Variants in RGS6 observed in about 807,000 individuals in gnomAD.
RGS6 encodes regulator of G protein signaling 6.
In RGS6, 30 loss-of-function variants were observed where a neutral mutation model predicts 78.5. The observed-to-expected ratio is 0.38, with a 90% CI of 0.29 to 0.52. The LOEUF (loss-of-function observed/expected upper bound fraction) is 0.52. RGS6 is among the 20% of genes least tolerant of loss of function. The pLI, the probability that RGS6 is intolerant of heterozygous loss-of-function variation, is 0.85. For synonymous variants in RGS6, 206 were observed against 206.0 expected (o/e 1.00, Z 0.00); for missense variants, 495 against 609.7 (o/e 0.81, Z 1.98).
chr14:72,414,074 T>C (rs2093624932), intron 3 of RGS6, among the ~76,000 whole-genome samples: 1 of 152,160 alleles, frequency 6.6e-6, no homozygotes, highest in African/African-American at 2.4e-5. Context: ...AAGGAGTATC[T>C]TTGTGGCGTT....
rs56171281 is a variant in RGS6 at position 72,269,567 on chromosome 14, A to ATTTTTTTTTTTTTTTTTTTTTTTTTTTTT, written c.85-82501_85-82500insTTTTTTTTTTTTTTTTTTTTTTTTTTTTT. Among the ~76,000 whole-genome samples, 3 of 120,334 alleles carry ATTTTTTTTTTTTTTTTTTTTTTTTTTTTT rather than the reference A, an allele frequency of 2.5e-5. 1 individual carries two copies. The highest frequency in any genetic ancestry group is 3.3e-5 in the African/African-American group (1 of 30,354). 78.9% of individuals were successfully genotyped at this position (120,334 alleles called of 152,430 possible). On this transcript the variant is annotated intron_variant, in intron 2 of 17. Transcript: ENST00000553525. ...GTTTTTACAGTGAAACCTATCTTAAATTTTTTTTTTTTTTTTTTTTTTTTT... is the reference window on the plus strand; with the variant it reads ...GTTTTTACAGTGAAACCTATCTTAAATTTTTTTTTTTTTTTTTTTTTTTTTTTTTTTTTTTTTTTTTTTTTTTTTTTTTT...
At chr14:72,461,880 T>C (rs1597853486) in intron 6 of RGS6, among the ~76,000 whole-genome samples, 1 of 152,198 alleles carries the variant, frequency 6.6e-6, no homozygotes, top group East Asian at 1.9e-4. Flanking sequence ...ATTAGAGTAG[T>C]AATGGCACTT....
chr14:71,927,944 C>T (rs1043008056), upstream of RGS6, among the ~76,000 whole-genome samples: 2 of 152,136 alleles, frequency 1.3e-5, no homozygotes, highest in Admixed American at 1.3e-4. Context: ...AGGCGTGAGC[C>T]ACCGCGCCCG....
At chr14:72,282,564 C>T (rs1359417000) in intron 2 of RGS6, among the ~76,000 whole-genome samples, 2 of 152,144 alleles carry the variant, frequency 1.3e-5, no homozygotes, top group African/African-American at 4.8e-5. Context: ...AGCCCAATTT[C>T]TCTTTAGCTG....
Position 72,393,650 on chromosome 14 carries a change from A to C in RGS6, c.184+41456A>C, listed in dbSNP as rs972450338. ...AGTGAGAAACACACATTAAAACTGC[A>C]TACTCTACTGTGTTCCAAGAATGGG... On this transcript the variant is annotated intron_variant, in intron 3 of 17. Transcript: ENST00000553525. 2.4e-4 allele frequency among the ~76,000 whole-genome samples: 37 copies of C among 152,208 alleles called. 1 individual carries two copies. The highest frequency in any genetic ancestry group is 3.9e-4 in the Admixed American group (6 of 15,286).
intron 15 of RGS6, among the ~76,000 whole-genome samples, chr14:72,527,714 T>G (rs2097135521): frequency 2.0e-5 from 3 of 152,196 alleles, no homozygotes; most frequent in African/African-American, 7.2e-5. Flanking sequence ...AATTGTGTGA[T>G]TGACAGGACT....
chr14:72,262,716 T>C (rs956821999), intron 2 of RGS6, among the ~76,000 whole-genome samples: 2 of 152,212 alleles, frequency 1.3e-5, no homozygotes, highest in African/African-American at 4.8e-5. Flanking sequence ...ACCAATTACC[T>C]GTGAAATTTT....
At chr14:72,627,358 T>G in the RGS6 span, among the ~76,000 whole-genome samples, 1 of 152,132 alleles carries the variant, frequency 6.6e-6, no homozygotes, top group South Asian at 2.1e-4. Context: ...TAATTTTGTC[T>G]TTTCTCAAAT....
intron 2 of RGS6, among the ~76,000 whole-genome samples, chr14:72,102,215 G>A (rs751469038): frequency 8.5e-5 from 13 of 152,158 alleles, no homozygotes; most frequent in African/African-American, 2.9e-4. Context: ...GGTCCCCTTA[G>A]GAAGTTGAAA....
At chr14:72,362,107 G>C (rs956838431) in intron 3 of RGS6, among the ~76,000 whole-genome samples, 1 of 152,166 alleles carries the variant, frequency 6.6e-6, no homozygotes, top group African/African-American at 2.4e-5. Flanking sequence ...AATGCCTGCT[G>C]TTGCTATGTG....
In RGS6 at chr14:72,365,204, A is replaced by G. The variant is rs575747405; in HGVS notation, c.184+13010A>G. Among the ~76,000 whole-genome samples the G allele has an allele frequency of 2.6e-5, 4 of 152,372 alleles. No homozygotes were observed. The East Asian group carries it at 7.7e-4, about 29-fold the overall frequency. On this transcript the variant is annotated intron_variant, in intron 3 of 17. Transcript: ENST00000553525. Reference sequence around the variant, plus strand: ...AGCATAAAGAGAACATTCTAGAAAAAGAATGTACTTGCCAAAAAAGTCAAA... The same window carrying G: ...AGCATAAAGAGAACATTCTAGAAAAGGAATGTACTTGCCAAAAAAGTCAAA...
At chr14:72,598,721 G>A in the RGS6 span, among the ~76,000 whole-genome samples, 1 of 152,222 alleles carries the variant, frequency 6.6e-6, no homozygotes, top group Admixed American at 6.5e-5. Context: ...CAGGCAGCCA[G>A]ATCTGTGGTC....
At chr14:72,584,293 C>G in the RGS6 span, among the ~76,000 whole-genome samples, 1 of 152,162 alleles carries the variant, frequency 6.6e-6, no homozygotes, top group Admixed American at 6.5e-5. Flanking sequence ...TGGGGACAGA[C>G]AGAATGGTGA....
At chr14:72,214,716 T>C (rs910504813) in intron 2 of RGS6, among the ~76,000 whole-genome samples, 1 of 151,968 alleles carries the variant, frequency 6.6e-6, no homozygotes, top group African/African-American at 2.4e-5. Flanking sequence ...CTTAGCTACT[T>C]GGGAGGCTGA....
At chr14:72,604,466 G>C in the RGS6 span, among the ~76,000 whole-genome samples, 1 of 152,198 alleles carries the variant, frequency 6.6e-6, no homozygotes, top group Non-Finnish European at 1.5e-5. Flanking sequence ...TCCATCCTGA[G>C]TTAAAGGCAA....
chr14:72,327,531 G>A lies in RGS6; in HGVS notation c.85-24564G>A, dbSNP rs2090736. Among the ~76,000 whole-genome samples the A allele has an allele frequency of 5.9e-5, 9 of 152,106 alleles. 1 individual carries two copies. The highest frequency in any genetic ancestry group is 1.9e-4 in the African/African-American group (8 of 41,476). On this transcript the variant is annotated intron_variant, in intron 2 of 17. Transcript: ENST00000553525. The stretch of plus-strand genomic sequence containing the variant: ...GGTTTAAACATCTGGCTTCCTTAAG[G>A]CATAATTAAGTAAAAGAGAGAGCAG...
intron 2 of RGS6, among the ~76,000 whole-genome samples, chr14:72,349,779 T>C (rs2152727902): frequency 6.6e-6 from 1 of 152,312 alleles, no homozygotes; most frequent in East Asian, 1.9e-4. Context: ...AACCAATCCT[T>C]CAAATCCAGC....
At chr14:72,051,144 T>C (rs999934981) in intron 2 of RGS6, among the ~76,000 whole-genome samples, 1 of 152,068 alleles carries the variant, frequency 6.6e-6, no homozygotes, top group Non-Finnish European at 1.5e-5. Flanking sequence ...GACAACAGCC[T>C]CAAATGCAGT....
intron 2 of RGS6, among the ~76,000 whole-genome samples, chr14:72,098,906 C>G (rs1342352981): frequency 3.3e-5 from 5 of 152,214 alleles, no homozygotes; most frequent in Non-Finnish European, 7.3e-5. Flanking sequence ...AGGGCACACA[C>G]AAACAAACCT....
Sources: allele counts gnomAD v4.1 joint callset (sites outside exome capture counted in the v4.1 genomes callset), GRCh38; gene constraint gnomAD v4.1.1; transcripts MANE v1.5; gene names NCBI Gene and HGNC (gene_info 2026-07-23, HGNC 2026-07-21).